Variants in TOM1L2 observed in about 807,000 individuals in gnomAD.
The protein encoded by TOM1L2 is TOM1-like protein 2.
In TOM1L2, 31 loss-of-function variants were observed where a neutral mutation model predicts 67.9. The ratio of observed to expected loss-of-function variants is 0.46; its 90% CI spans 0.34 to 0.62. TOM1L2 has a LOEUF of 0.62. Ranked by LOEUF, TOM1L2 falls within the 20% of genes least tolerant of loss-of-function variation. The pLI is 0.01. For synonymous variants in TOM1L2, 256 were observed against 254.0 expected, an observed-to-expected ratio of 1.01 and a Z score of -0.07; for missense variants, 606 against 663.5, an observed-to-expected ratio of 0.91 and a Z score of 0.95.
At chr17:17,863,519 A>AT (rs2036674843) in intron 10 of TOM1L2, 1 of 151,710 alleles carries the variant, frequency 6.6e-6, no homozygotes, top group African/African-American at 2.4e-5. Flanking sequence ...GTGGCTGGTA[A>AT]TACCTCAAAT....
At position 17,847,589 on chromosome 17, in the gene TOM1L2, G is replaced by C. The variant is rs774487903; in HGVS notation, c.*46C>G. ...GTGGCCAGTGCCCGGTGTCCACGGG[G>C]TGCGAGCGGGGACCCGCCATCTGGG... is the stretch of plus-strand genomic sequence containing the variant. On this transcript the variant is annotated 3_prime_UTR_variant, in exon 15 of 15. Coordinates refer to ENST00000379504, the MANE Select transcript of TOM1L2 (RefSeq NM_001082968.2). The C allele has an allele frequency of 2.6e-6, 4 of 1,564,376 alleles. No individual in the cohort carries two copies. The African/African-American group carries it at 4.0e-5, about 16-fold the overall frequency.
intron 1 of TOM1L2, 113 bp from the exon 2 acceptor site, chr17:17,907,644 G>T: frequency 2.4e-6 from 2 of 829,494 alleles, no homozygotes; most frequent in Non-Finnish European, 3.9e-6. Context: ...GATGGGCTGA[G>T]CCAACAGAGC....
At position 17,868,916 on chromosome 17, in the gene TOM1L2, T is replaced by G. The variant is rs58249969; in HGVS notation, c.911+424A>C. The G allele has an allele frequency of 3.3e-3, 544 of 165,988 alleles. 2 individuals carry two copies. The highest frequency in any genetic ancestry group is 0.012 in the African/African-American group (515 of 41,766). 10.3% of individuals were successfully genotyped at this position (165,988 alleles called of 1,614,324 possible). ...GCTTTTTTTCTTTTTTCTTTTTTTT[T>G]AAGATGGGAAAGAGGAAATCCTTTT... On this transcript the variant is annotated intron_variant, in intron 8 of 14. Coordinates refer to ENST00000379504, the MANE Select transcript of TOM1L2 (RefSeq NM_001082968.2).
chr17:17,940,120 G>A (rs530408511), intron 1 of TOM1L2, among the ~76,000 whole-genome samples: 1 of 150,624 alleles, frequency 6.6e-6, no homozygotes, highest in East Asian at 2.0e-4. Flanking sequence ...TTGAACCCAG[G>A]AGGCGGAGGT....
intron 4 of TOM1L2, among the ~76,000 whole-genome samples, chr17:17,892,228 G>A (rs571540993): frequency 2.6e-4 from 40 of 152,272 alleles, no homozygotes; most frequent in Non-Finnish European, 4.7e-4. Flanking sequence ...AATGGACAGA[G>A]GCTCCTCTCC....
chr17:17,845,972 C>G lies in TOM1L2; in HGVS notation c.*1663G>C, dbSNP rs1598157823. ...CCAGCTAGTCCCACCCTCAGCCAGA[C>G]AGAGGTTTCCTCTCTGGAGGGAGCT... On this transcript the variant is annotated 3_prime_UTR_variant, in exon 15 of 15. Transcript: ENST00000379504. The G allele has an allele frequency of 6.6e-6, 1 of 152,054 alleles. No individual in the cohort carries two copies. The highest frequency in any genetic ancestry group is 1.9e-4 in the East Asian group (1 of 5,200). 9.4% of individuals were successfully genotyped at this position (152,054 alleles called of 1,614,324 possible). A position where few individuals can be genotyped will look rare whatever the true frequency, so the allele number is the denominator to read the frequency against.
At chr17:17,881,363 G>A (rs1161427940) in intron 6 of TOM1L2, among the ~76,000 whole-genome samples, 1 of 152,104 alleles carries the variant, frequency 6.6e-6, no homozygotes, top group Non-Finnish European at 1.5e-5. Context: ...TCTCCAAGGG[G>A]CAACATGCCT....
Position 17,845,005 on chromosome 17 carries a change from G to C in TOM1L2, c.*2630C>G, listed in dbSNP as rs2035569575. Reference sequence around the variant, plus strand: ...CTGACAGAGCCGCACCCCCTTCCTGGACCAGGCAGCCTAAGGACTGTGCTC... The same window carrying C: ...CTGACAGAGCCGCACCCCCTTCCTGCACCAGGCAGCCTAAGGACTGTGCTC... On this transcript the variant is annotated 3_prime_UTR_variant, in exon 15 of 15. Transcript: ENST00000379504. The C allele has an allele frequency of 6.6e-6, 1 of 152,460 alleles. No individual in the cohort carries two copies. Among genetic ancestry groups the C allele is most frequent in the African/African-American group, 2.4e-5 (1 of 41,436 alleles). The allele number at this position is 152,460 out of a possible 1,614,324, so 9.4% of individuals were successfully genotyped here. A position where few individuals can be genotyped will look rare whatever the true frequency, so the allele number is the denominator to read the frequency against.
Position 17,862,741 on chromosome 17 carries a change from G to A in TOM1L2, c.1192C>T (p.Gln398Ter). 1 of 1,613,298 alleles carries A rather than the reference G, an allele frequency of 6.2e-7. No individual in the cohort carries two copies. Among genetic ancestry groups the A allele is most frequent in the Non-Finnish European group, 8.5e-7 (1 of 1,179,976 alleles). Residue 398 changes from glutamine (Q) to a stop codon, truncating the protein, a stop_gained, in exon 11 of 15, where the codon CAG becomes TAG. Coordinates refer to ENST00000379504, the MANE Select transcript of TOM1L2 (RefSeq NM_001082968.2). LOFTEE classifies it high-confidence loss of function. ...AQTRGNSLAE[Q>*]RKTVTYEDPQ... ...AGGGGCCCCACATACGTCTTGCGCT[G>A]CTCAGCCAAGGAGTTTCCTCTCGTC...
At chr17:17,908,619 T>C (rs1179908461) in intron 1 of TOM1L2, among the ~76,000 whole-genome samples, 1 of 152,038 alleles carries the variant, frequency 6.6e-6, no homozygotes, top group Admixed American at 6.5e-5. Context: ...AATTAAAAAA[T>C]GGGAAAGGAC....
At chr17:17,856,632 C>T (rs1285978300) in intron 12 of TOM1L2, among the ~76,000 whole-genome samples, 1 of 152,226 alleles carries the variant, frequency 6.6e-6, no homozygotes, top group African/African-American at 2.4e-5. Context: ...GTATTCCTCT[C>T]ACCCCACCCC....
At chr17:17,886,119 T>G (rs1235086447) in intron 4 of TOM1L2, among the ~76,000 whole-genome samples, 1 of 152,098 alleles carries the variant, frequency 6.6e-6, no homozygotes, top group Non-Finnish European at 1.5e-5. Flanking sequence ...AGAATTTAAC[T>G]GTCTCCCTCA....
intron 4 of TOM1L2, among the ~76,000 whole-genome samples, 192 bp from the exon 5 acceptor site, chr17:17,884,960 T>G (rs1427358749): frequency 6.6e-6 from 1 of 152,238 alleles, no homozygotes; most frequent in Non-Finnish European, 1.5e-5. Flanking sequence ...AACCCTGGCT[T>G]TCAATGGTGC....
At chr17:17,967,200 C>T (rs1391148706) in intron 1 of TOM1L2, among the ~76,000 whole-genome samples, 1 of 152,172 alleles carries the variant, frequency 6.6e-6, no homozygotes, top group African/African-American at 2.4e-5. Context: ...AGTTTATGTC[C>T]AACACCAGTC....
chr17:17,854,401 A>T (rs2036154338), intron 12 of TOM1L2, among the ~76,000 whole-genome samples: 1 of 152,330 alleles, frequency 6.6e-6, no homozygotes, highest in African/African-American at 2.4e-5. Flanking sequence ...CCAGGCCCTT[A>T]GGAGGCCTCG....
At chr17:17,860,123 G>T in intron 12 of TOM1L2, 1 of 152,412 alleles carries the variant, frequency 6.6e-6, no homozygotes, top group Non-Finnish European at 1.5e-5. Context: ...GCCTCATAGG[G>T]GCACAACAGG....
chr17:17,879,038 G>A (rs1008715278), intron 7 of TOM1L2, among the ~76,000 whole-genome samples: 1 of 152,224 alleles, frequency 6.6e-6, no homozygotes, highest in Non-Finnish European at 1.5e-5. Flanking sequence ...CAGAGGCGGG[G>A]AGGCCAGTTT....
At position 17,847,678 on chromosome 17, in the gene TOM1L2, C is replaced by T. The variant is rs371456416; in HGVS notation, c.1481G>A (p.Arg494Gln). 6.2e-5 allele frequency: 100 copies of T among 1,613,832 alleles called. No homozygotes were observed. The highest frequency in any genetic ancestry group is 4.3e-4 in the African/African-American group (32 of 75,038). ...APAPASNPSG[R>Q]KKPERSEDAL... The stretch of plus-strand genomic sequence containing the variant: ...ATCCTCTGACCGCTCTGGCTTCTTC[C>T]GGCCAGAAGGGTTTGAGGCTGGGGC... Residue 494 changes from arginine (R) to glutamine (Q), a missense_variant, in exon 15 of 15, where the codon CGG (arginine) becomes CAG (glutamine). Transcript: ENST00000379504.
chr17:17,925,462 G>A (rs532839357), intron 1 of TOM1L2, among the ~76,000 whole-genome samples: 17 of 152,106 alleles, frequency 1.1e-4, no homozygotes, highest in Non-Finnish European at 2.1e-4. Flanking sequence ...AAGGAAAGAG[G>A]ATATTATACA....
Sources: gnomAD v4.1 joint callset for allele counts (sites outside exome capture counted in the v4.1 genomes callset) on GRCh38, gnomAD v4.1.1 for gene constraint, MANE v1.5 for transcripts, NCBI Gene and HGNC (gene_info 2026-07-23, HGNC 2026-07-21) for gene names.